TENM4: variants seen among roughly 807,000 people sequenced by gnomAD.
TENM4 encodes teneurin-4.
A neutral mutation model predicts 243.3 loss-of-function variants in TENM4; 82 were observed. The ratio of observed to expected loss-of-function variants is 0.34; its 90% CI spans 0.28 to 0.40. The LOEUF (loss-of-function observed/expected upper bound fraction) is 0.40, where lower values mean the gene tolerates loss of function less well. TENM4 is among the 10% of genes least tolerant of loss of function. The probability of loss-of-function intolerance (pLI) is 1.00; values close to 1 mark genes in which losing one functional copy is unlikely to be tolerated. For synonymous variants in TENM4, 1,412 were observed against 1,456.3 expected (o/e 0.97, Z 0.69); for missense variants, 3,138 against 3,673.3 (o/e 0.85, Z 3.77).
At chr11:79,128,631 A>G (rs1861930608) in intron 4 of TENM4, among the ~76,000 whole-genome samples, 1 of 152,190 alleles carries the variant, frequency 6.6e-6, no homozygotes. Flanking sequence ...ATATGCATGC[A>G]CCACCTGGAA....
intron 6 of TENM4, among the ~76,000 whole-genome samples, chr11:79,060,751 T>C (rs910647996): frequency 3.3e-5 from 5 of 152,194 alleles, no homozygotes; most frequent in African/African-American, 9.7e-5. Flanking sequence ...GGTTTCCCAT[T>C]TGGCAAATGG....
At chr11:79,058,655 C>A (rs77708475) in intron 6 of TENM4, among the ~76,000 whole-genome samples, 2,687 of 152,278 alleles carry the variant, frequency 0.018, 87 homozygotes, top group African/African-American at 0.061. Context: ...GATAACCTAA[C>A]TGCTCCAAAT....
At chr11:78,694,109 C>T (rs964392269) in intron 28 of TENM4, among the ~76,000 whole-genome samples, 1 of 152,224 alleles carries the variant, frequency 6.6e-6, no homozygotes, top group African/African-American at 2.4e-5. Context: ...TTCTTTTTCA[C>T]ACTCAATACT....
In TENM4 at chr11:79,069,751, G is replaced by A; in HGVS notation, c.194C>T (p.Pro65Leu). Residue 65 changes from proline (P) to leucine (L), a missense_variant, in exon 5 of 34, where the codon CCG becomes CTG. Transcript: ENST00000278550. ...GCGGCAGAATTCCTCGGCCTCCTGCGGCACAATGTCCTTGACGCGGCTGCC... is the reference window on the plus strand; with the variant it reads ...GCGGCAGAATTCCTCGGCCTCCTGCAGCACAATGTCCTTGACGCGGCTGCC... The part of the protein sequence containing the change: ...AYGSRVKDIV[P>L]QEAEEFCRTG... 3.2e-6 allele frequency: 5 copies of A among 1,551,052 alleles called. No homozygotes were observed. Among genetic ancestry groups the A allele is most frequent in the Non-Finnish European group, 4.4e-6 (5 of 1,146,896 alleles).
chr11:78,852,285 T>C (rs1416242470), intron 12 of TENM4, among the ~76,000 whole-genome samples: 2 of 152,214 alleles, frequency 1.3e-5, no homozygotes, highest in African/African-American at 4.8e-5. Flanking sequence ...GCAGAAGCTT[T>C]TCAGCCACAC....
At position 78,949,685 on chromosome 11, in the gene TENM4, G is replaced by T. The variant is rs531234929; in HGVS notation, c.494-46162C>A. 2.6e-5 allele frequency among the ~76,000 whole-genome samples: 4 copies of T among 152,258 alleles called. No homozygotes were observed. In the East Asian group the frequency reaches 7.7e-4, roughly 29 times the overall value. On this transcript the variant is annotated intron_variant, in intron 6 of 33. Coordinates refer to ENST00000278550, the MANE Select transcript of TENM4 (RefSeq NM_001098816.3). ...AGAGGGGCTCAAGAAGTAGGGAAAG[G>T]GTGAATTCTGGTAGGCCATGGCTGC...
At chr11:78,718,674 A>T (rs1859576043) in intron 25 of TENM4, among the ~76,000 whole-genome samples, 1 of 152,214 alleles carries the variant, frequency 6.6e-6, no homozygotes, top group African/African-American at 2.4e-5. Context: ...TGTACAACTG[A>T]AGTTGAAGGC....
At chr11:79,341,168 A>T (rs962260279) in intron 1 of TENM4, among the ~76,000 whole-genome samples, 6 of 152,184 alleles carry the variant, frequency 3.9e-5, no homozygotes, top group Non-Finnish European at 5.9e-5. Flanking sequence ...CCTTTACCCC[A>T]GCGAGACTGA....
At chr11:78,875,821 G>T (rs558510584) in intron 9 of TENM4, among the ~76,000 whole-genome samples, 6 of 152,372 alleles carry the variant, frequency 3.9e-5, no homozygotes, top group Admixed American at 3.9e-4. Flanking sequence ...GTAACACTCA[G>T]AATAGCACCT....
chr11:78,854,379 G>T, intron 11 of TENM4, 65 bp from the exon 12 acceptor site: 1 of 1,392,458 alleles, frequency 7.2e-7, no homozygotes. Flanking sequence ...GTCCTTCCCG[G>T]GGCTTCTCCT....
At chr11:78,889,331 T>C (rs1022564984) in intron 9 of TENM4, among the ~76,000 whole-genome samples, 3 of 152,172 alleles carry the variant, frequency 2.0e-5, no homozygotes, top group African/African-American at 7.2e-5. Context: ...CCTGCCAGTT[T>C]CCCTCCAAGC....
intron 10 of TENM4, among the ~76,000 whole-genome samples, chr11:78,862,498 C>T (rs1045022152): frequency 2.0e-5 from 3 of 152,078 alleles, no homozygotes; most frequent in South Asian, 4.1e-4. Flanking sequence ...CAAGGTCACA[C>T]GTTTAGTAAA....
chr11:79,001,761 G>A (rs1474326674), intron 6 of TENM4, among the ~76,000 whole-genome samples: 4 of 152,126 alleles, frequency 2.6e-5, no homozygotes, highest in Admixed American at 1.3e-4. Flanking sequence ...CCTGGGACCC[G>A]AGTTTGGCCA....
intron 6 of TENM4, among the ~76,000 whole-genome samples, chr11:79,023,834 C>T (rs1268883130): frequency 1.3e-5 from 2 of 152,080 alleles, no homozygotes; most frequent in Admixed American, 1.3e-4. Context: ...GACAGTTGGG[C>T]AGTACTCACT....
chr11:79,347,456 A>G (rs1333873168), intron 1 of TENM4, among the ~76,000 whole-genome samples: 2 of 152,216 alleles, frequency 1.3e-5, no homozygotes, highest in Admixed American at 1.3e-4. Flanking sequence ...AAGATGATGG[A>G]GACCCACTTG....
intron 9 of TENM4, among the ~76,000 whole-genome samples, chr11:78,882,461 T>G (rs1855451993): frequency 6.6e-6 from 1 of 152,192 alleles, no homozygotes; most frequent in Admixed American, 6.5e-5. Flanking sequence ...TTAGCACAGG[T>G]ACCTTGTGCC....
chr11:79,189,421 G>C (rs1233249407), intron 3 of TENM4, among the ~76,000 whole-genome samples: 1 of 152,230 alleles, frequency 6.6e-6, no homozygotes, highest in Non-Finnish European at 1.5e-5. Flanking sequence ...GAGTGAAGGA[G>C]TATGCTTCCT....
intron 4 of TENM4, among the ~76,000 whole-genome samples, chr11:79,132,769 G>T (rs1159667514): frequency 6.6e-6 from 1 of 152,096 alleles, no homozygotes; most frequent in Non-Finnish European, 1.5e-5. Context: ...ATGAAATCAA[G>T]ATGGAAATTT....
At chr11:78,942,165 C>A (rs1167938653) in intron 6 of TENM4, among the ~76,000 whole-genome samples, 6 of 143,940 alleles carry the variant, frequency 4.2e-5, no homozygotes, top group African/African-American at 1.0e-4. Flanking sequence ...GTAATCCCAG[C>A]ACTTTGGGAG....
Sources: allele counts gnomAD v4.1 joint callset (sites outside exome capture counted in the v4.1 genomes callset), GRCh38; gene constraint gnomAD v4.1.1; transcripts MANE v1.5; gene names NCBI Gene and HGNC (gene_info 2026-07-23, HGNC 2026-07-21).